CTNNA2: variants seen among roughly 807,000 people sequenced by gnomAD.
CTNNA2 encodes the protein catenin alpha 2.
CTNNA2 carries 42 observed loss-of-function variants against 101.0 expected under a neutral mutation model. That is an observed-to-expected ratio of 0.42 (90% confidence interval 0.32 to 0.54). The LOEUF is 0.54. Among genes scored for constraint, CTNNA2 ranks in the 20% least tolerant of loss-of-function variants. CTNNA2 has a pLI of 0.14. For synonymous variants in CTNNA2, 450 were observed against 456.4 expected (o/e 0.99, Z 0.18); for missense variants, 871 against 1,223.1 (o/e 0.71, Z 4.29).
intron 7 of CTNNA2, among the ~76,000 whole-genome samples, chr2:79,946,305 G>A (rs937001903): frequency 1.1e-4 from 16 of 151,982 alleles, no homozygotes; most frequent in African/African-American, 3.9e-4. Flanking sequence ...TCCTTATTCC[G>A]TTTCATATTT....
At chr2:79,784,669 A>C (rs1674702916) in intron 3 of CTNNA2, among the ~76,000 whole-genome samples, 3 of 151,798 alleles carry the variant, frequency 2.0e-5, no homozygotes. Context: ...TCTATCTTCA[A>C]ACTCTTGGCT....
intron 2 of CTNNA2, among the ~76,000 whole-genome samples, chr2:79,213,540 GC>G (rs1674204598): frequency 6.6e-6 from 1 of 152,202 alleles, no homozygotes; most frequent in Non-Finnish European, 1.5e-5. Context: ...AGATACTATA[GC>G]ATAGCCTGCC....
intron 3 of CTNNA2, among the ~76,000 whole-genome samples, chr2:79,766,390 C>T (rs911940643): frequency 6.6e-6 from 1 of 152,170 alleles, no homozygotes; most frequent in Non-Finnish European, 1.5e-5. Flanking sequence ...GAAAAGTCTG[C>T]TGCCAGATGT....
intron 3 of CTNNA2, among the ~76,000 whole-genome samples, chr2:79,774,084 A>G (rs1673788369): frequency 1.3e-5 from 2 of 152,276 alleles, no homozygotes; most frequent in South Asian, 4.1e-4. Flanking sequence ...CTGTCTTAAC[A>G]TTTGCCTTAA....
intron 2 of CTNNA2, among the ~76,000 whole-genome samples, chr2:79,692,170 C>T (rs1487207225): frequency 3.3e-5 from 5 of 151,746 alleles, no homozygotes; most frequent in East Asian, 1.9e-4. Context: ...CTTAAACAAA[C>T]GTACAAGAGA....
chr2:79,548,231 C>G (rs1284103100), intron 1 of CTNNA2: 3 of 152,218 alleles, frequency 2.0e-5, no homozygotes, highest in South Asian at 2.1e-4. Context: ...CGGAAATACT[C>G]TTTAAGTACT....
At chr2:79,851,567 C>T (rs1373122630) in intron 3 of CTNNA2, among the ~76,000 whole-genome samples, 2 of 152,006 alleles carry the variant, frequency 1.3e-5, no homozygotes, top group Admixed American at 1.3e-4. Flanking sequence ...CTACAAGATC[C>T]GTTTTTCAGA....
intron 3 of CTNNA2, among the ~76,000 whole-genome samples, chr2:79,746,105 T>G (rs1606114): frequency 0.99 from 151,259 of 152,308 alleles, 75,110 homozygotes; most frequent in East Asian, 1. Flanking sequence ...ATCATAATTG[T>G]TGTGAGGTGA....
intron 7 of CTNNA2, among the ~76,000 whole-genome samples, chr2:80,295,496 G>C (rs1675665965): frequency 6.6e-6 from 1 of 152,152 alleles, no homozygotes; most frequent in Non-Finnish European, 1.5e-5. Context: ...CAAGCCTGAT[G>C]AATCAGAATG....
rs541024899 is a variant in CTNNA2 at position 79,193,921 on chromosome 2, C to T, written c.-523-4038C>T. 4.6e-5 allele frequency among the ~76,000 whole-genome samples: 7 copies of T among 152,230 alleles called. No homozygotes were observed. The South Asian group carries it at 8.3e-4, about 18-fold the overall frequency. On this transcript the variant is annotated intron_variant, in intron 1 of 21. Transcript: ENST00000466387. ...GTGGGTTAATACATGTAAATTGTTACGACATTGCTTTGCACATAGTGCATG... is the reference window on the plus strand; with the variant it reads ...GTGGGTTAATACATGTAAATTGTTATGACATTGCTTTGCACATAGTGCATG...
chr2:80,120,036 G>A lies in CTNNA2; in HGVS notation c.1056+210239G>A, dbSNP rs757281086. ...AGTCACTGTGCTGATAACACAATGC[G>A]TAATTACTAATAGGCTCTGCATTGC... is the stretch of plus-strand genomic sequence containing the variant. On this transcript the variant is annotated intron_variant, in intron 7 of 18. Transcript: ENST00000402739. Among the ~76,000 whole-genome samples the A allele has an allele frequency of 4.6e-5, 7 of 152,168 alleles. No individual in the cohort carries two copies. In the South Asian group the frequency reaches 8.3e-4, roughly 18 times the overall value.
intron 1 of CTNNA2, among the ~76,000 whole-genome samples, chr2:79,192,814 G>A (rs936032916): frequency 3.3e-5 from 5 of 152,072 alleles, no homozygotes; most frequent in Admixed American, 2.0e-4. Flanking sequence ...CTATTAAATT[G>A]TAATTGCTTT....
intron 2 of CTNNA2, among the ~76,000 whole-genome samples, chr2:79,217,213 G>A (rs1217899467): frequency 6.6e-6 from 1 of 152,194 alleles, no homozygotes; most frequent in Non-Finnish European, 1.5e-5. Flanking sequence ...GAGGCCCTGA[G>A]ATCGTAAGTG....
At chr2:80,264,031 G>A (rs889072409) in intron 7 of CTNNA2, among the ~76,000 whole-genome samples, 10 of 152,002 alleles carry the variant, frequency 6.6e-5, no homozygotes, top group Non-Finnish European at 1.2e-4. Flanking sequence ...TAATACACAC[G>A]TCCCTTAATT....
In CTNNA2 at chr2:79,744,684, AC is replaced by A. The variant is rs1464417902; in HGVS notation, c.298+103del. On this transcript the variant is annotated intron_variant, in intron 3 of 18. Coordinates refer to ENST00000402739, the MANE Select transcript of CTNNA2 (RefSeq NM_001282597.3). ...GATATTTACTCAAAGAAGAAGTCTT[AC>A]GTTTTTTTCCTTTCTATCTACACTT... 3 of 1,179,518 alleles carry A rather than the reference AC, an allele frequency of 2.5e-6. No individual in the cohort carries two copies. The African/African-American group carries it at 4.7e-5, about 18-fold the overall frequency. 73.1% of individuals were successfully genotyped at this position (1,179,518 alleles called of 1,614,324 possible). A position where few individuals can be genotyped will look rare whatever the true frequency, so the allele number is the denominator to read the frequency against.
intron 7 of CTNNA2, among the ~76,000 whole-genome samples, chr2:80,339,870 G>A (rs1348414247): frequency 6.6e-6 from 1 of 152,158 alleles, no homozygotes; most frequent in Non-Finnish European, 1.5e-5. Flanking sequence ...TGATCTTGAT[G>A]TTTTCTGTAA....
chr2:79,319,225 T>A (rs1299410891), intron 3 of CTNNA2, among the ~76,000 whole-genome samples: 5 of 152,150 alleles, frequency 3.3e-5, no homozygotes, highest in Non-Finnish European at 7.4e-5. Flanking sequence ...ACTTCAGAGA[T>A]CCAGACTTCT....
chr2:80,029,678 A>G (rs1210637629), intron 7 of CTNNA2, among the ~76,000 whole-genome samples: 1 of 149,332 alleles, frequency 6.7e-6, no homozygotes, highest in Non-Finnish European at 1.5e-5. Flanking sequence ...TTCACAAACT[A>G]AGATTTGTTA....
chr2:79,659,182 G>A lies in CTNNA2; in HGVS notation c.102+7524G>A, dbSNP rs1336529745. On this transcript the variant is annotated intron_variant, in intron 2 of 18. Transcript: ENST00000402739. The stretch of plus-strand genomic sequence containing the variant: ...TCCAGAAATAAATGAACACTTAGAA[G>A]CAAAGTAACTTCTGAGAGTTGATCC... Among the ~76,000 whole-genome samples, 10 of 148,184 alleles carry A rather than the reference G, an allele frequency of 6.7e-5. No homozygotes were observed. The East Asian group carries it at 2.0e-3, about 30-fold the overall frequency.
Sources: gnomAD v4.1 joint callset for allele counts (sites outside exome capture counted in the v4.1 genomes callset) on GRCh38, gnomAD v4.1.1 for gene constraint, MANE v1.5 for transcripts, NCBI Gene and HGNC (gene_info 2026-07-23, HGNC 2026-07-21) for gene names.